SELENOO: variants seen among roughly 807,000 people sequenced by gnomAD.
SELENOO encodes selenoprotein O.
In SELENOO, 74 loss-of-function variants were observed where a neutral mutation model predicts 58.7. The observed-to-expected ratio is 1.26, with a 90% CI of 1.04 to 1.53. The LOEUF (loss-of-function observed/expected upper bound fraction) is 1.53. Among genes scored for constraint, SELENOO ranks in the 40% most tolerant of loss-of-function variants. The probability of loss-of-function intolerance (pLI) is 0.00; values close to 1 mark genes in which losing one functional copy is unlikely to be tolerated. For missense variants in SELENOO, 1,149 were observed against 970.0 expected, an observed-to-expected ratio of 1.18 and a Z score of -2.45; for synonymous variants, 543 against 453.2, an observed-to-expected ratio of 1.20 and a Z score of -2.52.
intron 7 of SELENOO, 46 bp from the exon 8 acceptor site, chr22:50,216,926 A>C (rs199923580): frequency 6.9e-6 from 11 of 1,602,744 alleles, no homozygotes; most frequent in Middle Eastern, 1.7e-4. Context: ...GCGTGCTGGA[A>C]AAAGTCCAGC....
At position 50,210,282 on chromosome 22, in the gene SELENOO, C is replaced by T. The variant is rs770072831; in HGVS notation, c.1041C>T (p.Ile347=). 149 of 1,613,190 alleles carry T rather than the reference C, an allele frequency of 9.2e-5. 1 individual carries two copies. In the Admixed American group the frequency reaches 1.8e-3, roughly 19 times the overall value. The change falls in exon 4 of 9, where the codon ATC becomes ATT. Residue 347 remains isoleucine (I), a synonymous_variant. Transcript: ENST00000380903. The part of the protein sequence containing the change: ...TDNMSILGLT[I]DYGPFGFLDR... The stretch of plus-strand genomic sequence containing the variant: ...ACATGAGCATCCTGGGGCTCACCAT[C>T]GACTACGGGCCCTTTGGCTTCCTGG...
At chr22:50,216,599 C>A in intron 6 of SELENOO, 92 bp from the exon 7 acceptor site, 2 of 1,232,032 alleles carry the variant, frequency 1.6e-6, no homozygotes, top group South Asian at 1.4e-5. Context: ...TCTAGGTGAG[C>A]CGTGAGAGCG....
In SELENOO at chr22:50,208,731, C is replaced by T. The variant is rs769533601; in HGVS notation, c.939+15C>T. On this transcript the variant is annotated intron_variant, in intron 3 of 8. Coordinates refer to ENST00000380903, the MANE Select transcript of SELENOO (RefSeq NM_031454.2). ...TCTTCCGGGAGGTCAGTGGGCCGCA[C>T]GCCACCCCTCCCTGCGGGTGGATGC... The T allele has an allele frequency of 5.0e-5, 81 of 1,604,966 alleles. No individual in the cohort carries two copies. Among genetic ancestry groups the T allele is most frequent in the Non-Finnish European group, 6.3e-5 (74 of 1,174,978 alleles).
chr22:50,202,921 TGAAG>T (rs772423097), intron 1 of SELENOO, among the ~76,000 whole-genome samples: 28 of 152,166 alleles, frequency 1.8e-4, no homozygotes, highest in South Asian at 4.1e-4. Context: ...CTGAAAAACA[TGAAG>T]AAAATAAAGA....
intron 1 of SELENOO, 32 bp from the exon 2 acceptor site, chr22:50,206,285 G>C (rs564561869): frequency 6.2e-7 from 1 of 1,600,304 alleles, no homozygotes; most frequent in Admixed American, 1.7e-5. Context: ...CTCCTGACCG[G>C]CCCACGTAGT....
chr22:50,217,253 G>C lies in SELENOO; in HGVS notation c.1894G>C (p.Gly632Arg), dbSNP rs748899356. 1.2e-6 allele frequency: 2 copies of C among 1,611,966 alleles called. No individual in the cohort carries two copies. Among genetic ancestry groups the C allele is most frequent in the Non-Finnish European group, 8.5e-7 (1 of 1,179,554 alleles). Residue 632 changes from glycine (G) to arginine (R), a missense_variant, in exon 9 of 9, where the codon GGG becomes CGG. Transcript: ENST00000380903. Reference sequence around the variant, plus strand: ...GGAGACCCCTTACCACTGCGAGGCGGGGGCCGCCACAGACGCCGAGGCCAC... The same window carrying C: ...GGAGACCCCTTACCACTGCGAGGCGCGGGCCGCCACAGACGCCGAGGCCAC... ...LLETPYHCEA[G>R]AATDAEATEA...
rs1386393805 is a variant in SELENOO at position 50,215,777 on chromosome 22, C to T, written c.1412C>T (p.Pro471Leu). 2 of 1,612,228 alleles carry T rather than the reference C, an allele frequency of 1.2e-6. No individual in the cohort carries two copies. Among genetic ancestry groups the T allele is most frequent in the Admixed American group, 3.3e-5 (2 of 60,008 alleles). The change falls in exon 6 of 9, where the codon CCA becomes CTA. Residue 471 changes from proline to leucine, a missense_variant. Pro to Leu is a moderately conservative substitution (Grantham distance 98). Coordinates refer to ENST00000380903, the MANE Select transcript of SELENOO (RefSeq NM_031454.2). Reference sequence around the variant, plus strand: ...TCCTTCCCAGTGGAGCTAGAGTCGCCAGGCCTGGCGGAATTCCTGGCCAGG... The same window carrying T: ...TCCTTCCCAGTGGAGCTAGAGTCGCTAGGCCTGGCGGAATTCCTGGCCAGG... ...LSSFPVELES[P>L]GLAEFLARLM...
chr22:50,201,388 G>C lies in SELENOO; in HGVS notation c.352G>C (p.Ala118Pro), dbSNP rs750577534. The C allele has an allele frequency of 3.9e-6, 5 of 1,274,974 alleles. No individual in the cohort carries two copies. The South Asian group carries it at 1.1e-4, about 29-fold the overall frequency. 79.0% of individuals were successfully genotyped at this position (1,274,974 alleles called of 1,614,324 possible). ...LGAPPAREAE[A>P]EAALFFSGNA... ...CGCGCCGCCCGCGCGCGAGGCCGAGGCCGAGGCCGCGCTGTTCTTCAGCGG... is the reference window on the plus strand; with the variant it reads ...CGCGCCGCCCGCGCGCGAGGCCGAGCCCGAGGCCGCGCTGTTCTTCAGCGG... Residue 118 changes from alanine (A) to proline (P), a missense_variant, in exon 1 of 9, where the codon GCC (alanine) becomes CCC (proline). Transcript: ENST00000380903.
rs1458491041 is a variant in SELENOO, at chr22:50,217,550, C to T, written c.*181C>T. 5.2e-6 allele frequency: 5 copies of T among 970,396 alleles called. No homozygotes were observed. Among genetic ancestry groups the T allele is most frequent in the Non-Finnish European group, 6.0e-6 (4 of 663,818 alleles). The allele number at this position is 970,396 out of a possible 1,614,324, so 60.1% of individuals were successfully genotyped here. ...CTGACCCGTCTCTGTCTGAGGCCGG[C>T]TCAGCAGTGCAGCCTGGTCCCTGGG... On this transcript the variant is annotated 3_prime_UTR_variant, in exon 9 of 9. Transcript: ENST00000380903.
intron 5 of SELENOO, among the ~76,000 whole-genome samples, chr22:50,214,484 G>T (rs1602495697): frequency 6.6e-6 from 1 of 152,264 alleles, no homozygotes; most frequent in African/African-American, 2.4e-5. Flanking sequence ...GCCAGGCATG[G>T]TGGTGGGTGC....
In SELENOO at chr22:50,208,895, T is replaced by G. The variant is rs913606060; in HGVS notation, c.939+179T>G. ...GTGTGCTCGGGCCCTGGGACAAACC[T>G]GAAACTCCCCTGGGCTCCGTGGTGT... On this transcript the variant is annotated intron_variant, in intron 3 of 8. Coordinates refer to ENST00000380903, the MANE Select transcript of SELENOO (RefSeq NM_031454.2). 5 of 605,396 alleles carry G rather than the reference T, an allele frequency of 8.3e-6. No individual in the cohort carries two copies. In the South Asian group the frequency reaches 1.0e-4, roughly 12 times the overall value. 37.5% of individuals were successfully genotyped at this position (605,396 alleles called of 1,614,324 possible).
rs1167217882 is a variant in SELENOO, at chr22:50,210,528, G to A, written c.1071-103G>A. Reference sequence around the variant, plus strand: ...CTGTGGGACAGGGCCAGAGAGCCACGGCCACTTGGGACCTTCCCCTGGGCC... The same window carrying A: ...CTGTGGGACAGGGCCAGAGAGCCACAGCCACTTGGGACCTTCCCCTGGGCC... On this transcript the variant is annotated intron_variant, in intron 4 of 8. Coordinates refer to ENST00000380903, the MANE Select transcript of SELENOO (RefSeq NM_031454.2). 49 of 1,544,406 alleles carry A rather than the reference G, an allele frequency of 3.2e-5. No homozygotes were observed. The Admixed American group carries it at 3.8e-4, about 12-fold the overall frequency.
rs1356022634 is a variant in SELENOO at position 50,215,705 on chromosome 22, C to T, written c.1352-12C>T. ...CTTCTGCTTCCAGCTCCCTGAGCAG[C>T]CTGTGTTCCAGGTGCCGACTTCACA... On this transcript the variant is annotated splice_polypyrimidine_tract_variant and intron_variant, in intron 5 of 8. Transcript: ENST00000380903. The T allele has an allele frequency of 6.3e-7, 1 of 1,580,530 alleles. No individual in the cohort carries two copies. The highest frequency in any genetic ancestry group is 8.6e-7 in the Non-Finnish European group (1 of 1,157,174).
In SELENOO at chr22:50,217,451, C is replaced by A; in HGVS notation, c.*82C>A. On this transcript the variant is annotated 3_prime_UTR_variant, in exon 9 of 9. Transcript: ENST00000380903. ...GTGGCCAAGATGATGCCAGGCTGCC[C>A]TATACACTGGGGGATTCTGCCCTGG... 1 of 1,508,200 alleles carries A rather than the reference C, an allele frequency of 6.6e-7. No individual in the cohort carries two copies. Among genetic ancestry groups the A allele is most frequent in the South Asian group, 1.2e-5 (1 of 83,368 alleles). The allele number at this position is 1,508,200 out of a possible 1,614,324, so 93.4% of individuals were successfully genotyped here. A position where few individuals can be genotyped will look rare whatever the true frequency, so the allele number is the denominator to read the frequency against.
At chr22:50,203,641 T>C (rs1434786715) in intron 1 of SELENOO, among the ~76,000 whole-genome samples, 1 of 152,200 alleles carries the variant, frequency 6.6e-6, no homozygotes, top group Non-Finnish European at 1.5e-5. Context: ...CAACAAATGG[T>C]GCTGGGAAAA....
chr22:50,213,112 G>A (rs2064382889), intron 5 of SELENOO, among the ~76,000 whole-genome samples: 1 of 152,178 alleles, frequency 6.6e-6, no homozygotes, highest in Non-Finnish European at 1.5e-5. Context: ...CCAAGCTGGA[G>A]TGCAGTGGCA....
intron 1 of SELENOO, among the ~76,000 whole-genome samples, chr22:50,204,425 G>T (rs1276309762): frequency 6.6e-6 from 1 of 152,120 alleles, no homozygotes; most frequent in Non-Finnish European, 1.5e-5. Flanking sequence ...TCAGGAGTTT[G>T]AGACCAGCCT....
At chr22:50,214,761 T>C (rs551017283) in intron 5 of SELENOO, among the ~76,000 whole-genome samples, 1 of 152,346 alleles carries the variant, frequency 6.6e-6, no homozygotes, top group Admixed American at 6.5e-5. Context: ...CAAGACTCCG[T>C]CTCAAAAAAT....
intron 5 of SELENOO, among the ~76,000 whole-genome samples, chr22:50,211,161 A>G (rs1456991908): frequency 6.6e-6 from 1 of 152,214 alleles, no homozygotes; most frequent in East Asian, 1.9e-4. Flanking sequence ...ATGTTCACCC[A>G]GGTCCGTATC....
Sources: gnomAD v4.1 joint callset for allele counts (sites outside exome capture counted in the v4.1 genomes callset) on GRCh38, gnomAD v4.1.1 for gene constraint, MANE v1.5 for transcripts, NCBI Gene and HGNC (gene_info 2026-07-23, HGNC 2026-07-21) for gene names.